The following LRP12 variants were observed in gnomAD, a reference collection of about 807,000 sequenced individuals.
LRP12 encodes low-density lipoprotein receptor-related protein 12.
A neutral mutation model predicts 66.0 loss-of-function variants in LRP12; 14 were observed. The ratio of observed to expected loss-of-function variants is 0.21; its 90% confidence interval spans 0.14 to 0.33. LRP12 has a LOEUF of 0.33. LRP12 is among the 10% of genes least tolerant of loss of function. The pLI, the probability that LRP12 is intolerant of heterozygous loss-of-function variation, is 1.00. For synonymous variants in LRP12, 357 were observed against 359.1 expected, an observed-to-expected ratio of 0.99 and a Z score of 0.07; for missense variants, 889 against 1,053.4, an observed-to-expected ratio of 0.84 and a Z score of 2.16.
chr8:104,568,362 G>A (rs1387326912), intron 1 of LRP12, among the ~76,000 whole-genome samples: 1 of 152,038 alleles, frequency 6.6e-6, no homozygotes, highest in African/African-American at 2.4e-5. Context: ...TATGACCTTG[G>A]GTTAGCAAAT....
chr8:104,498,827 T>C (rs1810779118), intron 4 of LRP12, among the ~76,000 whole-genome samples: 1 of 152,226 alleles, frequency 6.6e-6, no homozygotes, highest in African/African-American at 2.4e-5. Flanking sequence ...CATTTTGATC[T>C]AAAAGAGAGG....
At chr8:104,555,643 G>A (rs1811796067) in intron 1 of LRP12, among the ~76,000 whole-genome samples, 1 of 151,890 alleles carries the variant, frequency 6.6e-6, no homozygotes, top group East Asian at 1.9e-4. Flanking sequence ...CCTAACACTG[G>A]AGCTCTCAAA....
intron 2 of LRP12, among the ~76,000 whole-genome samples, chr8:104,524,893 A>T (rs552242098): frequency 6.6e-6 from 1 of 152,146 alleles, no homozygotes; most frequent in Admixed American, 6.5e-5. Context: ...TTACAGAGTA[A>T]TTCAGTTTAA....
In LRP12 at chr8:104,497,087, C is replaced by G. The variant is rs777987080; in HGVS notation, c.1465G>C (p.Val489Leu). The G allele has an allele frequency of 6.2e-7, 1 of 1,613,378 alleles. No individual in the cohort carries two copies. Among genetic ancestry groups the G allele is most frequent in the South Asian group, 1.1e-5 (1 of 90,960 alleles). Reference protein sequence around the residue: ...GSDEENCPVIVPTRVITAAVI... With the variant: ...GSDEENCPVILPTRVITAAVI... Reference sequence around the variant, plus strand: ...GCAGCAGTGATGACTCTTGTAGGCACGATTACTGGGCAATTTTCTTCATCG... The same window carrying G: ...GCAGCAGTGATGACTCTTGTAGGCAGGATTACTGGGCAATTTTCTTCATCG... Residue 489 changes from valine (V) to leucine (L), a missense_variant, in exon 5 of 7, where the codon GTG becomes CTG. Physicochemically the swap from Val to Leu is conservative, Grantham distance 32. This residue lies in a region of LRP12 where 800 missense variants were observed against 964.5 expected (regional missense o/e 0.83). Transcript: ENST00000276654. The surrounding 1 kb of genome is among the most constrained non-coding windows in gnomAD (Gnocchi z 4.3).
chr8:104,531,773 C>A, intron 2 of LRP12, 134 bp downstream of exon 2: 1 of 618,486 alleles, frequency 1.6e-6, no homozygotes, highest in East Asian at 3.0e-5. Flanking sequence ...CCAGTTACTT[C>A]ATTCCTTATT....
At chr8:104,548,340 T>TATATG (rs1208126028) in intron 1 of LRP12, among the ~76,000 whole-genome samples, 1 of 674 alleles carries the variant, frequency 1.5e-3, no homozygotes, top group Non-Finnish European at 9.6e-3. Flanking sequence ...ATTATATAAA[T>TATATG]ATATAAATAT....
chr8:104,538,598 T>C (rs1271627119), intron 1 of LRP12, among the ~76,000 whole-genome samples: 1 of 152,124 alleles, frequency 6.6e-6, no homozygotes, highest in Non-Finnish European at 1.5e-5. Flanking sequence ...TGACTATCAG[T>C]AACTGCTAAC....
At position 104,497,145 on chromosome 8, in the gene LRP12, C is replaced by T; in HGVS notation, c.1407G>A (p.Val469=). The T allele has an allele frequency of 6.2e-7, 1 of 1,611,788 alleles. No individual in the cohort carries two copies. Among genetic ancestry groups the T allele is most frequent in the Non-Finnish European group, 8.5e-7 (1 of 1,178,860 alleles). The change falls in exon 5 of 7, where the codon GTG becomes GTA. Residue 469 remains valine, a synonymous_variant. Transcript: ENST00000276654. The surrounding 1 kb of genome is among the most constrained non-coding windows in gnomAD (Gnocchi z 4.3). ...CACCACAGTCATCTTGAGAATCACA[C>T]ACCCAACTTTCAAACACACAACGAT... ...KNNRCVFESW[V]CDSQDDCGDG... is the part of the protein sequence containing the mutation.
chr8:104,577,890 C>T (rs1253848935), intron 1 of LRP12, among the ~76,000 whole-genome samples: 3 of 150,880 alleles, frequency 2.0e-5, no homozygotes, highest in Admixed American at 2.0e-4. Flanking sequence ...CTCTGGGACA[C>T]AGCTAAGGCA....
Position 104,490,711 on chromosome 8 carries a change from T to A in LRP12, c.2542A>T (p.Asn848Tyr). ...PDTCLEVTLK[N>Y]ETSDDEALLL... The stretch of plus-strand genomic sequence containing the variant: ...AAAGCCTCATCATCACTCGTTTCGT[T>A]TTTCAGTGTTACTTCTAAGCAAGTG... Residue 848 changes from asparagine to tyrosine, a missense_variant, in exon 7 of 7, where the codon AAC becomes TAC. This residue lies in a region of LRP12 where 800 missense variants were observed against 964.5 expected (regional missense o/e 0.83). Coordinates refer to ENST00000276654, the MANE Select transcript of LRP12 (RefSeq NM_013437.5). 3 of 1,613,626 alleles carry A rather than the reference T, an allele frequency of 1.9e-6. No individual in the cohort carries two copies. Among genetic ancestry groups the A allele is most frequent in the Non-Finnish European group, 2.5e-6 (3 of 1,179,872 alleles).
intron 1 of LRP12, among the ~76,000 whole-genome samples, chr8:104,556,456 A>C (rs1345970131): frequency 1.3e-5 from 2 of 152,184 alleles, no homozygotes; most frequent in African/African-American, 4.8e-5. Context: ...GAAATGGGAG[A>C]TATTACAACT....
At chr8:104,532,125 T>C (rs1811333176) in intron 1 of LRP12, among the ~76,000 whole-genome samples, 162 bp from the exon 2 acceptor site, 1 of 151,958 alleles carries the variant, frequency 6.6e-6, no homozygotes, top group Non-Finnish European at 1.5e-5. Context: ...AAGCTCAAAA[T>C]CATAATAGTA....
intron 1 of LRP12, 51 bp downstream of exon 1, chr8:104,588,768 G>T: frequency 6.4e-7 from 1 of 1,560,514 alleles, no homozygotes; most frequent in Non-Finnish European, 8.8e-7. Flanking sequence ...TCGGGGCCCG[G>T]GTCGCCTCAG....
At chr8:104,582,134 A>C (rs1368967341) in intron 1 of LRP12, among the ~76,000 whole-genome samples, 1 of 152,212 alleles carries the variant, frequency 6.6e-6, no homozygotes, top group East Asian at 1.9e-4. Context: ...TAATATTAAA[A>C]GATTGGCATC....
At chr8:104,569,174 C>T (rs1812044272) in intron 1 of LRP12, among the ~76,000 whole-genome samples, 1 of 151,874 alleles carries the variant, frequency 6.6e-6, no homozygotes, top group Admixed American at 6.5e-5. Flanking sequence ...ACACAAAAGA[C>T]CAAATATTGT....
intron 1 of LRP12, among the ~76,000 whole-genome samples, chr8:104,547,629 A>G (rs1346103835): frequency 1.6e-5 from 2 of 125,860 alleles, no homozygotes; most frequent in Admixed American, 8.8e-5. Flanking sequence ...ATTAATATAT[A>G]ATAAATATAT....
chr8:104,576,582 C>T (rs1455853372), intron 1 of LRP12, among the ~76,000 whole-genome samples: 1 of 152,160 alleles, frequency 6.6e-6, no homozygotes, highest in Non-Finnish European at 1.5e-5. Flanking sequence ...TACCACCAGA[C>T]GTGCTGTGCA....
At chr8:104,547,349 T>TTA (rs374129092) in intron 1 of LRP12, among the ~76,000 whole-genome samples, 2,028 of 105,484 alleles carry the variant, frequency 0.019, 264 homozygotes, top group African/African-American at 0.088. Flanking sequence ...TACAATTCTG[T>TTA]TATATTTTGT....
chr8:104,499,572 T>A, intron 3 of LRP12, 53 bp from the exon 4 acceptor site: 1 of 1,285,914 alleles, frequency 7.8e-7, no homozygotes, highest in Non-Finnish European at 1.1e-6. Context: ...GAAAAAAAAA[T>A]CGTATTACAA....
Sources: gnomAD v4.1 joint callset for allele counts (sites outside exome capture counted in the v4.1 genomes callset) on GRCh38, gnomAD v4.1.1 for gene constraint, gnomAD v4.1.1 regional missense constraint, Gnocchi (gnomAD v3.1) non-coding constraint, MANE v1.5 for transcripts, NCBI Gene and HGNC (gene_info 2026-07-23, HGNC 2026-07-21) for gene names.